Variants in HSDL2 observed in about 807,000 individuals in gnomAD.
HSDL2 encodes the protein hydroxysteroid dehydrogenase like 2.
In HSDL2, 27 loss-of-function variants were observed where a neutral mutation model predicts 46.3. The ratio of observed to expected loss-of-function variants is 0.58; its 90% CI spans 0.43 to 0.80. HSDL2 has a LOEUF of 0.80. Ranked by LOEUF, HSDL2 falls within the 30% of genes least tolerant of loss-of-function variation. The pLI is 0.00. For synonymous variants in HSDL2, 153 were observed against 163.6 expected, an observed-to-expected ratio of 0.94 and a Z score of 0.50; for missense variants, 451 against 502.7, an observed-to-expected ratio of 0.90 and a Z score of 0.98.
At chr9:112,387,214 G>C (rs1564100660) in intron 1 of HSDL2, among the ~76,000 whole-genome samples, 1 of 150,952 alleles carries the variant, frequency 6.6e-6, no homozygotes, top group Non-Finnish European at 1.5e-5. Flanking sequence ...CTGGGATTTG[G>C]TTTCTTTTCT....
Position 112,437,690 on chromosome 9 carries a change from T to C in HSDL2, c.599-741T>C, listed in dbSNP as rs1461781254. Among the ~76,000 whole-genome samples the C allele has an allele frequency of 3.3e-5, 5 of 152,312 alleles. No homozygotes were observed. In the East Asian group the frequency reaches 5.8e-4, roughly 18 times the overall value. On this transcript the variant is annotated intron_variant, in intron 6 of 10. Transcript: ENST00000398805. ...GCCTCATACGCACTCCATATGTTTA[T>C]GTGAAAGGAAATCTTTGGCATTAAG...
chr9:112,441,685 G>T lies in HSDL2; in HGVS notation c.794-14G>T. 1 of 1,594,238 alleles carries T rather than the reference G, an allele frequency of 6.3e-7. No individual in the cohort carries two copies. Among genetic ancestry groups the T allele is most frequent in the Non-Finnish European group, 8.6e-7 (1 of 1,162,386 alleles). On this transcript the variant is annotated splice_polypyrimidine_tract_variant and intron_variant, in intron 7 of 10. Transcript: ENST00000398805. ...TAGTTACATTAACCTAATGGTTTGG[G>T]GTCAATTTTTCAGGTCATCCTTTGC...
intron 8 of HSDL2, among the ~76,000 whole-genome samples, 157 bp downstream of exon 8, chr9:112,441,927 AATTC>A (rs775857095): frequency 6.6e-6 from 1 of 152,070 alleles, no homozygotes; most frequent in Non-Finnish European, 1.5e-5. Flanking sequence ...GATCTCAGTT[AATTC>A]TAGTAAAGAA....
intron 1 of HSDL2, among the ~76,000 whole-genome samples, chr9:112,397,066 G>A (rs1170009437): frequency 1.3e-5 from 2 of 152,186 alleles, no homozygotes; most frequent in African/African-American, 2.4e-5. Flanking sequence ...ATGACAACAA[G>A]GGCAAACAGT....
At chr9:112,423,099 G>GA (rs891105853) in intron 6 of HSDL2, among the ~76,000 whole-genome samples, 2 of 151,966 alleles carry the variant, frequency 1.3e-5, no homozygotes, top group Non-Finnish European at 2.9e-5. Flanking sequence ...ATAGGAGTCA[G>GA]AAAAAAGAGG....
At chr9:112,418,600 A>G (rs1403765604) in intron 5 of HSDL2, among the ~76,000 whole-genome samples, 4 of 151,502 alleles carry the variant, frequency 2.6e-5, no homozygotes, top group Non-Finnish European at 5.9e-5. Flanking sequence ...ATATGTATAT[A>G]TGTATGTGTG....
chr9:112,445,543 T>A lies in HSDL2; in HGVS notation c.865+3773T>A, dbSNP rs78792683. On this transcript the variant is annotated intron_variant, in intron 8 of 10. Coordinates refer to ENST00000398805, the MANE Select transcript of HSDL2 (RefSeq NM_032303.5). ...TTTTTAAGGCTTTATTTATTTATTT[T>A]TTTGAGACAGAGTCTCTATCACCCT... Among the ~76,000 whole-genome samples the A allele has an allele frequency of 7.8e-4, 118 of 152,254 alleles. No individual in the cohort carries two copies. In the East Asian group the frequency reaches 0.021, roughly 27 times the overall value.
chr9:112,406,473 T>G (rs1831733126), intron 3 of HSDL2, among the ~76,000 whole-genome samples: 1 of 152,108 alleles, frequency 6.6e-6, no homozygotes, highest in Non-Finnish European at 1.5e-5. Flanking sequence ...TCTGATTTCT[T>G]TTTTCTTTTT....
intron 6 of HSDL2, among the ~76,000 whole-genome samples, chr9:112,428,373 G>T (rs550996286): frequency 1.2e-4 from 19 of 152,280 alleles, no homozygotes; most frequent in Admixed American, 3.9e-4. Context: ...TTTCCTTTAT[G>T]TTTCTGTAGC....
chr9:112,445,769 C>T (rs1832744593), intron 8 of HSDL2, among the ~76,000 whole-genome samples: 2 of 152,188 alleles, frequency 1.3e-5, no homozygotes, highest in Admixed American at 1.3e-4. Context: ...GGTGATCCAC[C>T]CACCTTGGCC....
At chr9:112,449,684 C>T (rs1460320532) in intron 8 of HSDL2, among the ~76,000 whole-genome samples, 2 of 151,754 alleles carry the variant, frequency 1.3e-5, no homozygotes, top group African/African-American at 4.8e-5. Flanking sequence ...GGCAACATGG[C>T]GAAATTCTGT....
chr9:112,388,960 A>G (rs916386061), intron 1 of HSDL2, among the ~76,000 whole-genome samples: 3 of 152,118 alleles, frequency 2.0e-5, no homozygotes, highest in African/African-American at 7.2e-5. Flanking sequence ...TATTGAGTCA[A>G]TTGACAAAAT....
At chr9:112,434,476 A>G (rs1002067637) in intron 6 of HSDL2, among the ~76,000 whole-genome samples, 2 of 152,220 alleles carry the variant, frequency 1.3e-5, no homozygotes, top group Admixed American at 1.3e-4. Context: ...AACAGTTTAT[A>G]CCATTTTCAT....
chr9:112,416,215 G>A (rs951993055), intron 4 of HSDL2, among the ~76,000 whole-genome samples: 2 of 151,412 alleles, frequency 1.3e-5, no homozygotes, highest in Admixed American at 1.3e-4. Flanking sequence ...TTTGAGACAC[G>A]CCTGCGCCAC....
intron 9 of HSDL2, among the ~76,000 whole-genome samples, chr9:112,456,856 T>C (rs1263286743): frequency 6.6e-6 from 1 of 152,202 alleles, no homozygotes; most frequent in African/African-American, 2.4e-5. Context: ...TCTCTCTGCA[T>C]GCCTTGAAAA....
At chr9:112,404,491 G>A (rs930422100) in intron 2 of HSDL2, among the ~76,000 whole-genome samples, 7 of 151,714 alleles carry the variant, frequency 4.6e-5, no homozygotes. Context: ...CCAAGATCAT[G>A]CCACAGCACT....
At chr9:112,416,679 T>C (rs1832003458) in intron 4 of HSDL2, among the ~76,000 whole-genome samples, 162 bp from the exon 5 acceptor site, 1 of 150,968 alleles carries the variant, frequency 6.6e-6, no homozygotes, top group Non-Finnish European at 1.5e-5. Context: ...GGTGGGAGGA[T>C]TGCTTGAGCC....
At chr9:112,405,853 G>C (rs919318760) in intron 3 of HSDL2, 131 bp downstream of exon 3, 2 of 614,600 alleles carry the variant, frequency 3.3e-6, no homozygotes, top group African/African-American at 3.8e-5. Flanking sequence ...TGCTCACACA[G>C]AACATGATTT....
intron 10 of HSDL2, among the ~76,000 whole-genome samples, chr9:112,469,055 C>T (rs1233956485): frequency 6.6e-6 from 1 of 152,046 alleles, no homozygotes; most frequent in East Asian, 1.9e-4. Context: ...AAAAGTTACC[C>T]CTTCATTTAT....
Sources: gnomAD v4.1 joint callset for allele counts (sites outside exome capture counted in the v4.1 genomes callset) on GRCh38, gnomAD v4.1.1 for gene constraint, MANE v1.5 for transcripts, NCBI Gene and HGNC (gene_info 2026-07-23, HGNC 2026-07-21) for gene names.